Variants in TMEM170B observed in about 807,000 individuals in gnomAD.
TMEM170B encodes transmembrane protein 170B.
In TMEM170B, 6 loss-of-function variants were observed where a neutral mutation model predicts 13.0. That is an observed-to-expected ratio of 0.46 (90% CI 0.25 to 0.91). The LOEUF (loss-of-function observed/expected upper bound fraction) is 0.91. TMEM170B is among the 40% of genes least tolerant of loss of function. The probability of loss-of-function intolerance (pLI) is 0.17; values close to 1 mark genes in which losing one functional copy is unlikely to be tolerated. For synonymous variants in TMEM170B, 61 were observed against 64.9 expected, an observed-to-expected ratio of 0.94 and a Z score of 0.29; for missense variants, 138 against 165.2, an observed-to-expected ratio of 0.84 and a Z score of 0.90.
At chr6:11,564,709 T>A (rs1396464115) in intron 1 of TMEM170B, among the ~76,000 whole-genome samples, 1 of 152,210 alleles carries the variant, frequency 6.6e-6, no homozygotes, top group Non-Finnish European at 1.5e-5. Flanking sequence ...TTCTCTCTTG[T>A]CTTTGATGGA....
chr6:11,575,295 C>A lies in TMEM170B; in HGVS notation c.269-136C>A. 2 of 1,233,380 alleles carry A rather than the reference C, an allele frequency of 1.6e-6. No homozygotes were observed. The highest frequency in any genetic ancestry group is 2.2e-6 in the Non-Finnish European group (2 of 892,064). The allele number at this position is 1,233,380 out of a possible 1,614,324, so 76.4% of individuals were successfully genotyped here. ...TTCACCAATCACAGGGAAACTTTTT[C>A]ATAGAAAGTGGATAAAATGAGAAAA... is the stretch of plus-strand genomic sequence containing the variant. On this transcript the variant is annotated intron_variant, in intron 2 of 2. Transcript: ENST00000379426. The surrounding 1 kb of genome is among the most constrained non-coding windows in gnomAD (Gnocchi z 4.1).
At chr6:11,552,063 C>T (rs12203843) in intron 1 of TMEM170B, among the ~76,000 whole-genome samples, 8,789 of 152,188 alleles carry the variant, frequency 0.058, 276 homozygotes, top group East Asian at 0.16. Context: ...TGGCTCCAGT[C>T]GATAAATGTG....
intron 1 of TMEM170B, among the ~76,000 whole-genome samples, chr6:11,553,513 A>G (rs585322): frequency 0.95 from 144,375 of 152,198 alleles, 68,963 homozygotes; most frequent in East Asian, 1. Flanking sequence ...TATGAGTCAA[A>G]AAATTTTTTA....
intron 1 of TMEM170B, among the ~76,000 whole-genome samples, chr6:11,553,383 A>G (rs1051233206): frequency 3.3e-5 from 5 of 152,228 alleles, no homozygotes. Context: ...AAAAATGTTT[A>G]TGTAAATATG....
chr6:11,573,694 A>G (rs1191904948), intron 2 of TMEM170B, among the ~76,000 whole-genome samples: 1 of 152,094 alleles, frequency 6.6e-6, no homozygotes, highest in Non-Finnish European at 1.5e-5. Flanking sequence ...AATTGCTTCG[A>G]TTTTCCCCTT....
intron 2 of TMEM170B, among the ~76,000 whole-genome samples, chr6:11,573,823 GTTTAT>G (rs1759838553): frequency 6.6e-6 from 1 of 152,098 alleles, no homozygotes; most frequent in Non-Finnish European, 1.5e-5. Flanking sequence ...TATTACTCTA[GTTTAT>G]TTTAACATAA....
chr6:11,563,389 T>C (rs924335257), intron 1 of TMEM170B, among the ~76,000 whole-genome samples: 2 of 152,130 alleles, frequency 1.3e-5, no homozygotes, highest in Non-Finnish European at 2.9e-5. Context: ...GTGGTTTTTT[T>C]CCCACACCAA....
chr6:11,538,207 C>A lies in TMEM170B; in HGVS notation c.-71C>A, dbSNP rs558319693. 4.1e-6 allele frequency: 3 copies of A among 723,376 alleles called. No individual in the cohort carries two copies. Among genetic ancestry groups the A allele is most frequent in the South Asian group, 1.3e-4 (2 of 15,564 alleles). 44.8% of individuals were successfully genotyped at this position (723,376 alleles called of 1,614,324 possible). ...TGGAGGAGCCGCGCACCCGCCGCCG[C>A]CCCCCGAGCCTCGCAGCCGCCGCCG... On this transcript the variant is annotated 5_prime_UTR_variant, in exon 1 of 3. Transcript: ENST00000379426.
At chr6:11,571,095 A>G (rs1387146078) in intron 2 of TMEM170B, among the ~76,000 whole-genome samples, 3 of 151,852 alleles carry the variant, frequency 2.0e-5, no homozygotes, top group African/African-American at 7.3e-5. Flanking sequence ...TTCTTGCCTT[A>G]ACCTTGTTCT....
In TMEM170B at chr6:11,582,251, C is replaced by G. The variant is rs866578852; in HGVS notation, c.*6690C>G. The G allele has an allele frequency of 6.6e-5, 10 of 152,214 alleles. No homozygotes were observed. In the South Asian group the frequency reaches 2.1e-3, roughly 32 times the overall value. The allele number at this position is 152,214 out of a possible 1,614,324, so 9.4% of individuals were successfully genotyped here. On this transcript the variant is annotated 3_prime_UTR_variant, in exon 3 of 3. Transcript: ENST00000379426. ...CTCACTTTCAAATTGTGTTAACTCTCAGACCACTGATGAATCTTTTGGTAA... is the reference window on the plus strand; with the variant it reads ...CTCACTTTCAAATTGTGTTAACTCTGAGACCACTGATGAATCTTTTGGTAA...
At chr6:11,558,458 A>C (rs990649809) in intron 1 of TMEM170B, among the ~76,000 whole-genome samples, 2 of 152,180 alleles carry the variant, frequency 1.3e-5, no homozygotes, top group African/African-American at 4.8e-5. Context: ...TGGGAACATA[A>C]GAAACGTTTA....
chr6:11,552,123 C>T (rs1265537053), intron 1 of TMEM170B, among the ~76,000 whole-genome samples: 2 of 152,148 alleles, frequency 1.3e-5, no homozygotes, highest in Admixed American at 6.5e-5. Flanking sequence ...TAAACCAACT[C>T]TTCAGGAGAT....
At chr6:11,562,644 A>T (rs959032987) in intron 1 of TMEM170B, among the ~76,000 whole-genome samples, 1 of 152,148 alleles carries the variant, frequency 6.6e-6, no homozygotes, top group African/African-American at 2.4e-5. Context: ...TAGAGAGCTT[A>T]TGTACCCTTT....
In TMEM170B at chr6:11,580,470, CATT is replaced by C. The variant is rs905062400; in HGVS notation, c.*4913_*4915del. ...CAGTCTCAATCAGAATCTCTGCAGT[CATT>C]ATTTGTTTTTAAGATGTGAGGGACG... On this transcript the variant is annotated 3_prime_UTR_variant, in exon 3 of 3. Transcript: ENST00000379426. 1.3e-5 allele frequency: 2 copies of C among 152,134 alleles called. No individual in the cohort carries two copies. The highest frequency in any genetic ancestry group is 4.8e-5 in the African/African-American group (2 of 41,420). The allele number at this position is 152,134 out of a possible 1,614,324, so 9.4% of individuals were successfully genotyped here. A position where few individuals can be genotyped will look rare whatever the true frequency, so the allele number is the denominator to read the frequency against.
At chr6:11,554,147 T>C (rs1759559093) in intron 1 of TMEM170B, among the ~76,000 whole-genome samples, 1 of 152,106 alleles carries the variant, frequency 6.6e-6, no homozygotes, top group African/African-American at 2.4e-5. Flanking sequence ...GTTATGCTCG[T>C]TGGTGTAAAA....
At chr6:11,559,173 TTATA>T (rs769492321) in intron 1 of TMEM170B, among the ~76,000 whole-genome samples, 12 of 151,650 alleles carry the variant, frequency 7.9e-5, no homozygotes, top group African/African-American at 1.9e-4. Flanking sequence ...TTATTGTTCT[TTATA>T]TATTTTTTTC....
At chr6:11,565,519 A>T in intron 1 of TMEM170B, 147 bp from the exon 2 acceptor site, 1 of 713,110 alleles carries the variant, frequency 1.4e-6, no homozygotes, top group Non-Finnish European at 2.4e-6. Flanking sequence ...TAATGTATTC[A>T]GTGCTACTTG....
chr6:11,539,076 C>T (rs140215703), intron 1 of TMEM170B, among the ~76,000 whole-genome samples: 92 of 152,220 alleles, frequency 6.0e-4, no homozygotes, highest in African/African-American at 1.9e-3. Flanking sequence ...AGTAATTGGC[C>T]TTATAACATC....
chr6:11,553,732 T>G (rs1759552783), intron 1 of TMEM170B, among the ~76,000 whole-genome samples: 1 of 152,220 alleles, frequency 6.6e-6, no homozygotes, highest in South Asian at 2.1e-4. Context: ...AACTTGTTTC[T>G]TTAATCTTTC....
Sources: allele counts gnomAD v4.1 joint callset (sites outside exome capture counted in the v4.1 genomes callset), GRCh38; gene constraint gnomAD v4.1.1; non-coding constraint Gnocchi (gnomAD v3.1); transcripts MANE v1.5; gene names NCBI Gene and HGNC (gene_info 2026-07-23, HGNC 2026-07-21).